The following SLC28A1 variants were observed in gnomAD, a reference collection of about 807,000 sequenced individuals.
The protein encoded by SLC28A1 is solute carrier family 28 member 1, also known as sodium/nucleoside cotransporter 1.
SLC28A1 carries 64 observed loss-of-function variants against 74.8 expected under a neutral mutation model. That is an observed-to-expected ratio of 0.86 (90% CI 0.70 to 1.05). SLC28A1 has a LOEUF of 1.05. Ranked by LOEUF, SLC28A1 falls within the 50% of genes least tolerant of loss-of-function variation. The pLI, the probability that SLC28A1 is intolerant of heterozygous loss-of-function variation, is 0.00. For synonymous variants in SLC28A1, 359 were observed against 335.0 expected (o/e 1.07, Z -0.78); for missense variants, 828 against 822.8 (o/e 1.01, Z -0.08).
chr15:84,912,847 C>CACAA (rs60379618), intron 9 of SLC28A1, among the ~76,000 whole-genome samples: 7,548 of 130,906 alleles, frequency 0.058, 305 homozygotes, highest in Admixed American at 0.12. Context: ...CACACACACA[C>CACAA]AGATCAAATA....
chr15:84,894,192 C>T (rs922668949), intron 5 of SLC28A1, among the ~76,000 whole-genome samples: 2 of 151,920 alleles, frequency 1.3e-5, no homozygotes, highest in Non-Finnish European at 2.9e-5. Context: ...AGCAATATGG[C>T]GAAACCCTGT....
At chr15:84,888,951 T>C in intron 4 of SLC28A1, 91 bp downstream of exon 4, 1 of 871,896 alleles carries the variant, frequency 1.1e-6, no homozygotes, top group Non-Finnish European at 1.9e-6. Flanking sequence ...GGATGGGAGT[T>C]GGGGGGACGT....
chr15:84,895,367 C>G (rs1285528300), intron 6 of SLC28A1: 1 of 1,613,864 alleles, frequency 6.2e-7, no homozygotes, highest in African/African-American at 1.3e-5. Flanking sequence ...TCAACAGTTT[C>G]CTCCATTCAG....
chr15:84,908,587 G>GCCC (rs146702064), intron 8 of SLC28A1, 131 bp from the exon 9 acceptor site: 303 of 703,212 alleles, frequency 4.3e-4, no homozygotes, highest in South Asian at 4.1e-3. Flanking sequence ...GCCAGGTGGT[G>GCCC]CCCCCCCCCG....
At chr15:84,908,617 T>A in intron 8 of SLC28A1, 101 bp from the exon 9 acceptor site, 1 of 953,468 alleles carries the variant, frequency 1.0e-6, no homozygotes, top group Non-Finnish European at 1.7e-6. Context: ...CTGGGGGGAC[T>A]ACGTCCCTGG....
At chr15:84,934,965 T>C (rs899730109) in intron 13 of SLC28A1, 61 bp from the exon 14 acceptor site, 146 of 1,434,876 alleles carry the variant, frequency 1.0e-4, no homozygotes, top group Admixed American at 6.5e-4. Flanking sequence ...GCCTATAGGA[T>C]AGGGACCCTT....
At position 84,895,113 on chromosome 15, in the gene SLC28A1, T is replaced by C. The variant is rs1159989261; in HGVS notation, c.451T>C (p.Trp151Arg). The C allele has an allele frequency of 3.7e-6, 6 of 1,613,762 alleles. No individual in the cohort carries two copies. Among genetic ancestry groups the C allele is most frequent in the Non-Finnish European group, 5.1e-6 (6 of 1,179,918 alleles). Residue 151 changes from tryptophan to arginine, a missense_variant, in exon 6 of 19, where the codon TGG becomes CGG. By Grantham distance (101) the Trp-to-Arg change is moderately radical (BLOSUM62 -3). This residue lies in a region of SLC28A1 where 767 missense variants were observed against 753.5 expected (regional missense o/e 1.02). Transcript: ENST00000394573. ...KPQGHPRLLL[W>R]FKRGLALAAF... ...TCAGGGCCATCCCCGCCTGCTGCTCTGGTTTAAGAGGTGAGTGAGCTCACA... is the reference window on the plus strand; with the variant it reads ...TCAGGGCCATCCCCGCCTGCTGCTCCGGTTTAAGAGGTGAGTGAGCTCACA...
At chr15:84,912,806 G>GTGCACACA (rs1555449154) in intron 9 of SLC28A1, among the ~76,000 whole-genome samples, 1 of 112,202 alleles carries the variant, frequency 8.9e-6, no homozygotes, top group African/African-American at 3.3e-5. Context: ...TTGCGCGCGC[G>GTGCACACA]CACACACACA....
rs760108114 is a variant in SLC28A1, at chr15:84,921,054, C to T, written c.942C>T (p.Asn314=). 4 of 1,613,754 alleles carry T rather than the reference C, an allele frequency of 2.5e-6. No homozygotes were observed. Among genetic ancestry groups the T allele is most frequent in the East Asian group, 4.5e-5 (2 of 44,898 alleles). Residue 314 remains asparagine, a synonymous_variant, in exon 11 of 19, where the codon AAC becomes AAT. Coordinates refer to ENST00000394573, the MANE Select transcript of SLC28A1 (RefSeq NM_004213.5). ...CTGAGACCCTGAGTGTGGCTGGAAA[C>T]ATCTTTGTGAGCCAGGTGGGTATGG... is the stretch of plus-strand genomic sequence containing the variant. The part of the protein sequence containing the change: ...TATETLSVAG[N]IFVSQTEAPL...
In SLC28A1 at chr15:84,905,535, G is replaced by T; in HGVS notation, c.604-4G>T. 6.3e-7 allele frequency: 1 copy of T among 1,599,696 alleles called. No homozygotes were observed. The highest frequency in any genetic ancestry group is 8.6e-7 in the Non-Finnish European group (1 of 1,167,000). On this transcript the variant is annotated splice_region_variant and splice_polypyrimidine_tract_variant and intron_variant, in intron 7 of 18. Coordinates refer to ENST00000394573, the MANE Select transcript of SLC28A1 (RefSeq NM_004213.5). Reference sequence around the variant, plus strand: ...ACTCAGCTTTCTGTTGGGTGGGGTGGTAGGTGTCCTGGAGGGCCGTGTCTT... The same window carrying T: ...ACTCAGCTTTCTGTTGGGTGGGGTGTTAGGTGTCCTGGAGGGCCGTGTCTT...
chr15:84,951,525 G>T, the SLC28A1 span, among the ~76,000 whole-genome samples: 1 of 152,020 alleles, frequency 6.6e-6, no homozygotes, highest in African/African-American at 2.4e-5. Context: ...TGTGAGAGGG[G>T]AATAAGTTTC....
the SLC28A1 span, among the ~76,000 whole-genome samples, chr15:84,968,478 A>G: frequency 6.6e-6 from 1 of 152,240 alleles, no homozygotes; most frequent in Non-Finnish European, 1.5e-5. Context: ...AAGTGTCTTC[A>G]CGACATGGCA....
At chr15:84,948,030 A>G (rs2079292497), downstream of SLC28A1, among the ~76,000 whole-genome samples, 1 of 152,186 alleles carries the variant, frequency 6.6e-6, no homozygotes, top group African/African-American at 2.4e-5. Flanking sequence ...GATGCTGTAT[A>G]ACTTGTAATT....
intron 9 of SLC28A1, among the ~76,000 whole-genome samples, chr15:84,917,161 A>C (rs1969238125): frequency 6.6e-6 from 1 of 152,198 alleles, no homozygotes; most frequent in South Asian, 2.1e-4. Flanking sequence ...TTCTTTCTAT[A>C]ATTTTAATAT....
intron 15 of SLC28A1, among the ~76,000 whole-genome samples, chr15:84,938,227 G>C (rs148671715): frequency 6.7e-6 from 1 of 148,960 alleles, no homozygotes; most frequent in East Asian, 2.0e-4. Flanking sequence ...GGTTTCTATA[G>C]AGTAAAAAGC....
chr15:84,941,929 T>C (rs895682313), intron 15 of SLC28A1, among the ~76,000 whole-genome samples: 3 of 152,256 alleles, frequency 2.0e-5, no homozygotes, highest in African/African-American at 7.2e-5. Flanking sequence ...CAAATTCTGA[T>C]ACAGCTACCT....
intron 7 of SLC28A1, among the ~76,000 whole-genome samples, chr15:84,904,699 C>T (rs945593360): frequency 6.6e-6 from 1 of 152,198 alleles, no homozygotes; most frequent in Non-Finnish European, 1.5e-5. Context: ...TTCTTAGGCC[C>T]CACCCTAGGC....
chr15:84,909,429 A>G (rs1967807154), intron 9 of SLC28A1, among the ~76,000 whole-genome samples: 2 of 152,262 alleles, frequency 1.3e-5, no homozygotes, highest in African/African-American at 4.8e-5. Context: ...AAATGGAGAT[A>G]AAGGCACTGT....
chr15:84,916,083 C>T (rs1326616920), intron 9 of SLC28A1, among the ~76,000 whole-genome samples: 2 of 151,588 alleles, frequency 1.3e-5, no homozygotes, highest in Admixed American at 6.6e-5. Flanking sequence ...ATGCCTCAGC[C>T]TTCCGAGTAG....
Sources: gnomAD v4.1 joint callset for allele counts (sites outside exome capture counted in the v4.1 genomes callset) on GRCh38, gnomAD v4.1.1 for gene constraint, gnomAD v4.1.1 regional missense constraint, MANE v1.5 for transcripts, NCBI Gene and HGNC (gene_info 2026-07-23, HGNC 2026-07-21) for gene names.